Variants in ACO1 observed in about 807,000 individuals in gnomAD.
ACO1 encodes the protein aconitase 1.
ACO1 carries 78 observed loss-of-function variants against 105.1 expected under a neutral mutation model. The observed-to-expected ratio is 0.74, with a 90% confidence interval of 0.62 to 0.90. The LOEUF is 0.90. Among genes scored for constraint, ACO1 ranks in the 40% least tolerant of loss-of-function variants. ACO1 has a pLI of 0.00. For synonymous variants in ACO1, 364 were observed against 397.4 expected, an observed-to-expected ratio of 0.92 and a Z score of 1.00; for missense variants, 965 against 1,111.1, an observed-to-expected ratio of 0.87 and a Z score of 1.87.
Position 32,433,759 on chromosome 9 carries a change from C to T in ACO1, c.1883C>T (p.Thr628Ile). The change falls in exon 16 of 21, where the codon ACC becomes ATC. Residue 628 changes from threonine to isoleucine, a missense_variant. Physicochemically the swap from Thr to Ile is moderately conservative, Grantham distance 89. Coordinates refer to ENST00000309951, the MANE Select transcript of ACO1 (RefSeq NM_002197.3). ...TVNESWNALA[T>I]PSDKLFFWNS... ...AATGAAAGCTGGAATGCCTTAGCAA[C>T]CCCATCAGATAAGCTGTTTTTCTGG... The T allele has an allele frequency of 6.2e-7, 1 of 1,612,608 alleles. No individual in the cohort carries two copies. Among genetic ancestry groups the T allele is most frequent in the Non-Finnish European group, 8.5e-7 (1 of 1,179,672 alleles).
chr9:32,409,933 TTGAAAG>T (rs764487841), intron 4 of ACO1, among the ~76,000 whole-genome samples: 7 of 152,228 alleles, frequency 4.6e-5, no homozygotes, highest in Admixed American at 6.5e-5. Flanking sequence ...TTAACAAACT[TTGAAAG>T]TGAATACTTC....
intron 1 of ACO1, among the ~76,000 whole-genome samples, chr9:32,390,133 T>A (rs1821237937): frequency 6.6e-6 from 1 of 152,220 alleles, no homozygotes; most frequent in Admixed American, 6.5e-5. Context: ...CACCTCTTTT[T>A]CTTTCTGGCA....
intron 16 of ACO1, 115 bp from the exon 17 acceptor site, chr9:32,434,444 C>A: frequency 1.7e-6 from 2 of 1,192,718 alleles, no homozygotes; most frequent in Non-Finnish European, 2.4e-6. Context: ...ATTTTCTGTG[C>A]ATTGGTGTGG....
chr9:32,419,602 A>C (rs115957088), intron 7 of ACO1, among the ~76,000 whole-genome samples: 1 of 152,250 alleles, frequency 6.6e-6, no homozygotes, highest in Admixed American at 6.5e-5. Flanking sequence ...CTGAGGTTGT[A>C]AGAATCATTC....
chr9:32,384,952 G>T (rs1361111506), intron 1 of ACO1, among the ~76,000 whole-genome samples: 1 of 152,242 alleles, frequency 6.6e-6, no homozygotes, highest in African/African-American at 2.4e-5. Flanking sequence ...GCCGGGGAGA[G>T]AAACCAGGGA....
Position 32,440,595 on chromosome 9 carries a change from T to C in ACO1, c.2370+8T>C. 6.2e-7 allele frequency: 1 copy of C among 1,613,266 alleles called. No individual in the cohort carries two copies. Among genetic ancestry groups the C allele is most frequent in the Non-Finnish European group, 8.5e-7 (1 of 1,179,538 alleles). ...AAGGGCCCTTTCCTGCTGGTGAGTA[T>C]GAAGTAGACATCCTAGGAGGCAGCT... On this transcript the variant is annotated splice_region_variant and intron_variant, in intron 19 of 20. Transcript: ENST00000309951.
chr9:32,399,964 C>CTTTTTTTTTTTTTTTTTTTTTTTTTTTTT (rs1300474052), intron 1 of ACO1, among the ~76,000 whole-genome samples: 2 of 42,416 alleles, frequency 4.7e-5, no homozygotes, highest in Non-Finnish European at 9.9e-5. Flanking sequence ...TTTTCTTTTT[C>CTTTTTTTTTTTTTTTTTTTTTTTTTTTTT]TGTTTTTTTT....
At chr9:32,440,089 A>G (rs988284138) in intron 18 of ACO1, among the ~76,000 whole-genome samples, 2 of 152,162 alleles carry the variant, frequency 1.3e-5, no homozygotes, top group Non-Finnish European at 2.9e-5. Context: ...CAACATGGTG[A>G]AACCCCATCT....
At chr9:32,435,290 G>A (rs1363706122) in intron 17 of ACO1, among the ~76,000 whole-genome samples, 3 of 152,284 alleles carry the variant, frequency 2.0e-5, no homozygotes, top group South Asian at 2.1e-4. Flanking sequence ...TTCTTTCAGT[G>A]ATTCCCCAGA....
intron 1 of ACO1, among the ~76,000 whole-genome samples, chr9:32,402,888 T>A (rs115432346): frequency 0.01 from 1,530 of 152,282 alleles, 28 homozygotes; most frequent in African/African-American, 0.035. Flanking sequence ...ACAAAGCTAG[T>A]CTTTGGTTGC....
chr9:32,426,362 C>T (rs1822097908), intron 11 of ACO1, among the ~76,000 whole-genome samples: 1 of 152,190 alleles, frequency 6.6e-6, no homozygotes, highest in African/African-American at 2.4e-5. Context: ...GGATTGAGTT[C>T]TGACGTGAAT....
At chr9:32,427,621 GCACCTA>G (rs1822130380) in intron 12 of ACO1, among the ~76,000 whole-genome samples, 185 bp downstream of exon 12, 1 of 152,136 alleles carries the variant, frequency 6.6e-6, no homozygotes, top group African/African-American at 2.4e-5. Flanking sequence ...GCCCTCTAGG[GCACCTA>G]CCATGAATGG....
In ACO1 at chr9:32,419,040, G is replaced by A; in HGVS notation, c.661G>A (p.Val221Ile). 1.3e-6 allele frequency: 2 copies of A among 1,599,246 alleles called. No homozygotes were observed. The highest frequency in any genetic ancestry group is 1.7e-6 in the Non-Finnish European group (2 of 1,171,722). The part of the protein sequence containing the change: ...IDGLGILGWG[V>I]GGIEAEAVML... Reference sequence around the variant, plus strand: ...TCCGGTCATGCCGTTCATTGCAGGTGTCGGTGGTATTGAAGCAGAAGCTGT... The same window carrying A: ...TCCGGTCATGCCGTTCATTGCAGGTATCGGTGGTATTGAAGCAGAAGCTGT... Residue 221 changes from valine (V) to isoleucine (I), a missense_variant and splice_region_variant, in exon 7 of 21, where the codon GTC (valine) becomes ATC (isoleucine). Transcript: ENST00000309951.
chr9:32,441,653 G>T (rs187175190), intron 19 of ACO1, among the ~76,000 whole-genome samples: 1 of 152,312 alleles, frequency 6.6e-6, no homozygotes, highest in East Asian at 1.9e-4. Context: ...TAGGAAGGGG[G>T]TTGGGAGCTG....
intron 4 of ACO1, among the ~76,000 whole-genome samples, chr9:32,409,941 G>GAATACTTCTT (rs998154017): frequency 6.6e-6 from 1 of 152,194 alleles, no homozygotes; most frequent in African/African-American, 2.4e-5. Context: ...CTTTGAAAGT[G>GAATACTTCTT]AATACTTCTT....
intron 1 of ACO1, among the ~76,000 whole-genome samples, chr9:32,395,047 C>A (rs1480685889): frequency 1.3e-5 from 2 of 152,224 alleles, no homozygotes; most frequent in Admixed American, 1.3e-4. Flanking sequence ...TTCATTGCCA[C>A]AATCTGCGAA....
chr9:32,454,146 TA>T lies in ACO1; in HGVS notation c.*4038del, dbSNP rs1328484149. 5.3e-5 allele frequency: 8 copies of T among 152,300 alleles called. No individual in the cohort carries two copies. In the South Asian group the frequency reaches 1.5e-3, roughly 28 times the overall value. The allele number at this position is 152,300 out of a possible 1,614,324, so 9.4% of individuals were successfully genotyped here. On this transcript the variant is annotated 3_prime_UTR_variant, in exon 21 of 21. Transcript: ENST00000309951. ...TCAGTACATTTGGGAACCACTGAGT[TA>T]AATGGGTTTTATCACTGCAGAACAG...
intron 4 of ACO1, among the ~76,000 whole-genome samples, chr9:32,410,681 G>T (rs1262926237): frequency 6.6e-6 from 1 of 152,176 alleles, no homozygotes; most frequent in Non-Finnish European, 1.5e-5. Context: ...TCTACCATTT[G>T]TCCTTTTCTC....
At chr9:32,428,610 A>G (rs1822153497) in intron 12 of ACO1, among the ~76,000 whole-genome samples, 1 of 152,156 alleles carries the variant, frequency 6.6e-6, no homozygotes, top group South Asian at 2.1e-4. Context: ...AGGCTGAGGC[A>G]GGCAGATCAC....
Sources: gnomAD v4.1 joint callset for allele counts (sites outside exome capture counted in the v4.1 genomes callset) on GRCh38, gnomAD v4.1.1 for gene constraint, MANE v1.5 for transcripts, NCBI Gene and HGNC (gene_info 2026-07-23, HGNC 2026-07-21) for gene names.